The following AK5 variants were observed in gnomAD, a reference collection of about 807,000 sequenced individuals.
AK5 encodes adenylate kinase isoenzyme 5.
AK5 carries 27 observed loss-of-function variants against 69.5 expected under a neutral mutation model. That is an observed-to-expected ratio of 0.39 (90% CI 0.29 to 0.54). The LOEUF (loss-of-function observed/expected upper bound fraction) is 0.54, where lower values mean the gene tolerates loss of function less well. Ranked by LOEUF, AK5 falls within the 20% of genes least tolerant of loss-of-function variation. The pLI, the probability that AK5 is intolerant of heterozygous loss-of-function variation, is 0.71. For synonymous variants in AK5, 260 were observed against 244.4 expected (o/e 1.06, Z -0.60); for missense variants, 531 against 700.4 (o/e 0.76, Z 2.73).
chr1:77,400,185 C>T (rs1321844282), intron 6 of AK5, among the ~76,000 whole-genome samples: 3 of 152,314 alleles, frequency 2.0e-5, no homozygotes, highest in African/African-American at 4.8e-5. Flanking sequence ...CCTAAGACTA[C>T]TTCCAAAAGC....
intron 10 of AK5, among the ~76,000 whole-genome samples, chr1:77,500,679 G>C (rs1394780507): frequency 6.6e-6 from 1 of 152,088 alleles, no homozygotes. Context: ...CTACTCGGGA[G>C]GCTGAGGCAG....
intron 8 of AK5, among the ~76,000 whole-genome samples, chr1:77,467,830 C>T (rs533550952): frequency 2.6e-5 from 4 of 152,184 alleles, no homozygotes; most frequent in African/African-American, 9.7e-5. Context: ...CAGCCCTGTC[C>T]TCTCTCAAGG....
At chr1:77,503,192 T>C (rs544816946) in intron 10 of AK5, among the ~76,000 whole-genome samples, 51 of 152,292 alleles carry the variant, frequency 3.3e-4, no homozygotes, top group African/African-American at 1.2e-3. Flanking sequence ...CATTGTAACA[T>C]GTAATTAAGA....
intron 6 of AK5, among the ~76,000 whole-genome samples, chr1:77,348,552 A>G (rs1169931648): frequency 6.6e-6 from 1 of 152,230 alleles, no homozygotes; most frequent in Non-Finnish European, 1.5e-5. Context: ...TGACAGGTCT[A>G]TCTACAAATA....
rs1439908894 is a variant in AK5, at chr1:77,340,544, C to T, written c.867C>T (p.Phe289=). 2 of 1,613,958 alleles carry T rather than the reference C, an allele frequency of 1.2e-6. No individual in the cohort carries two copies. The highest frequency in any genetic ancestry group is 1.7e-6 in the Non-Finnish European group (2 of 1,179,930). The change falls in exon 6 of 14, where the codon TTC becomes TTT. Residue 289 remains phenylalanine (F), a synonymous_variant. Coordinates refer to ENST00000354567, the MANE Select transcript of AK5 (RefSeq NM_174858.3). The part of the protein sequence containing the change: ...KQNAAPLVKY[F]QEKGLIMTFD... ...ATGCTGCTCCATTGGTTAAATACTTCCAGGAAAAGGGGCTCATCATGACAG... is the reference window on the plus strand; with the variant it reads ...ATGCTGCTCCATTGGTTAAATACTTTCAGGAAAAGGGGCTCATCATGACAG...
chr1:77,393,953 C>A (rs1648652327), intron 6 of AK5, among the ~76,000 whole-genome samples: 1 of 152,122 alleles, frequency 6.6e-6, no homozygotes, highest in Admixed American at 6.5e-5. Context: ...GTGGCTCATG[C>A]CTGTTCATCC....
intron 10 of AK5, among the ~76,000 whole-genome samples, chr1:77,499,870 A>ATTTTTTTTTTTTTTTTTTT (rs1178365313): frequency 2.0e-5 from 1 of 50,452 alleles, no homozygotes; most frequent in African/African-American, 1.1e-4. Flanking sequence ...CCCTTTTTCC[A>ATTTTTTTTTTTTTTTTTTT]TTTTTTTTTT....
intron 2 of AK5, chr1:77,293,523 C>A: frequency 3.8e-6 from 1 of 260,714 alleles, no homozygotes; most frequent in Non-Finnish European, 7.2e-6. Context: ...TATTGGAACA[C>A]AGGCACACTC....
intron 13 of AK5, among the ~76,000 whole-genome samples, chr1:77,538,042 A>G (rs1303479961): frequency 2.0e-5 from 3 of 152,206 alleles, no homozygotes; most frequent in Admixed American, 1.3e-4. Context: ...AAAGACTTCG[A>G]TCTTTAATAA....
chr1:77,282,987 C>T (rs1570305037), intron 1 of AK5: 8 of 985,556 alleles, frequency 8.1e-6, no homozygotes, highest in Middle Eastern at 5.2e-4. Flanking sequence ...TTCCCGTTGC[C>T]TAGGAAGGGT....
Position 77,297,842 on chromosome 1 carries a change from A to G in AK5, c.594A>G (p.Thr198=), listed in dbSNP as rs145622294. 15,962 of 1,610,770 alleles carry G rather than the reference A, an allele frequency of 9.9e-3. 118 individuals are homozygous for G. Among genetic ancestry groups the G allele is most frequent in the Admixed American group, 0.013 (779 of 59,526 alleles). Residue 198 remains threonine (T), a synonymous_variant, in exon 5 of 14, where the codon ACA becomes ACG. Transcript: ENST00000354567. ...TTGELAPQET[T]ITEIKQKLMQ... Reference sequence around the variant, plus strand: ...CTTTCTGTTTATAAAAGGAAACAACAATTACAGAGATAAAACAAAAATTGA... The same window carrying G: ...CTTTCTGTTTATAAAAGGAAACAACGATTACAGAGATAAAACAAAAATTGA...
At chr1:77,454,010 A>C (rs1653321570) in intron 8 of AK5, among the ~76,000 whole-genome samples, 1 of 152,098 alleles carries the variant, frequency 6.6e-6, no homozygotes, top group African/African-American at 2.4e-5. Flanking sequence ...ACCTGGTCCA[A>C]AAAGTTTGAG....
At chr1:77,520,133 G>T (rs910084125) in intron 11 of AK5, among the ~76,000 whole-genome samples, 2 of 149,486 alleles carry the variant, frequency 1.3e-5, no homozygotes, top group African/African-American at 5.0e-5. Context: ...AACCTGGGAG[G>T]CAGAGGTTGC....
At chr1:77,509,135 C>T (rs775983031) in intron 10 of AK5, among the ~76,000 whole-genome samples, 2 of 151,922 alleles carry the variant, frequency 1.3e-5, no homozygotes, top group Non-Finnish European at 2.9e-5. Context: ...TACAGGGTTG[C>T]CTCTGTGAAG....
intron 8 of AK5, among the ~76,000 whole-genome samples, chr1:77,442,967 C>T (rs1464693906): frequency 1.3e-5 from 2 of 152,092 alleles, no homozygotes; most frequent in Non-Finnish European, 2.9e-5. Flanking sequence ...GAGAACCCTT[C>T]CTTCATGACC....
chr1:77,497,990 G>C lies in AK5; in HGVS notation c.1147+11638G>C, dbSNP rs535961728. Among the ~76,000 whole-genome samples the C allele has an allele frequency of 2.6e-5, 4 of 152,282 alleles. No homozygotes were observed. In the South Asian group the frequency reaches 8.3e-4, roughly 32 times the overall value. ...ACCAAAAATACAAGTTCTGGCTATA[G>C]ACACAGATGTGAAGCCATGTGTGTG... is the stretch of plus-strand genomic sequence containing the variant. On this transcript the variant is annotated intron_variant, in intron 10 of 13. Coordinates refer to ENST00000354567, the MANE Select transcript of AK5 (RefSeq NM_174858.3).
chr1:77,439,223 T>G (rs1310337361), intron 8 of AK5, among the ~76,000 whole-genome samples: 1 of 152,174 alleles, frequency 6.6e-6, no homozygotes, highest in Non-Finnish European at 1.5e-5. Flanking sequence ...GTAATCTATG[T>G]GCATATTTAG....
chr1:77,507,912 T>A (rs1000100137), intron 10 of AK5, among the ~76,000 whole-genome samples: 1 of 152,146 alleles, frequency 6.6e-6, no homozygotes, highest in African/African-American at 2.4e-5. Context: ...AATATTACAG[T>A]GAACACTTGT....
intron 12 of AK5, among the ~76,000 whole-genome samples, chr1:77,533,516 A>AACAAAC (rs1286835244): frequency 7.3e-5 from 2 of 27,230 alleles, no homozygotes; most frequent in South Asian, 1.5e-3. Context: ...CACCAAAAAA[A>AACAAAC]AAAAAAAAAA....
Sources: allele counts gnomAD v4.1 joint callset (sites outside exome capture counted in the v4.1 genomes callset), GRCh38; gene constraint gnomAD v4.1.1; transcripts MANE v1.5; gene names NCBI Gene and HGNC (gene_info 2026-07-23, HGNC 2026-07-21).